The following CCM2L variants were observed in gnomAD, a reference collection of about 807,000 sequenced individuals.
CCM2L encodes cerebral cavernous malformations 2 protein-like.
CCM2L carries 36 observed loss-of-function variants against 54.1 expected under a neutral mutation model. The observed-to-expected ratio is 0.67, with a 90% confidence interval of 0.51 to 0.88. The LOEUF (loss-of-function observed/expected upper bound fraction) is 0.88. CCM2L is among the 40% of genes least tolerant of loss of function. The pLI, the probability that CCM2L is intolerant of heterozygous loss-of-function variation, is 0.00. For synonymous variants in CCM2L, 351 were observed against 359.3 expected (o/e 0.98, Z 0.26); for missense variants, 700 against 812.1 (o/e 0.86, Z 1.68).
intron 7 of CCM2L, 50 bp downstream of exon 7, chr20:32,025,969 C>G: frequency 8.0e-7 from 1 of 1,253,914 alleles, no homozygotes; most frequent in Non-Finnish European, 1.1e-6. Flanking sequence ...TACCCCTGCA[C>G]AAACAGGGTG....
At chr20:32,019,843 C>T (rs2064786606) in intron 5 of CCM2L, among the ~76,000 whole-genome samples, 1 of 152,152 alleles carries the variant, frequency 6.6e-6, no homozygotes, top group Admixed American at 6.5e-5. Flanking sequence ...AAACCGAGAT[C>T]CATAGGTGAA....
chr20:32,013,084 A>G (rs2064707501), intron 1 of CCM2L, among the ~76,000 whole-genome samples: 1 of 152,294 alleles, frequency 6.6e-6, no homozygotes, highest in Non-Finnish European at 1.5e-5. Flanking sequence ...GAATCATTTG[A>G]GCTCAGGAGT....
intron 1 of CCM2L, among the ~76,000 whole-genome samples, chr20:32,013,796 C>G (rs2064714594): frequency 6.6e-6 from 1 of 152,146 alleles, no homozygotes; most frequent in Non-Finnish European, 1.5e-5. Context: ...AGCGACTGCT[C>G]TAAATGCAGT....
chr20:32,016,691 A>C (rs1337238443), intron 2 of CCM2L, among the ~76,000 whole-genome samples: 1 of 152,188 alleles, frequency 6.6e-6, no homozygotes, highest in Non-Finnish European at 1.5e-5. Flanking sequence ...TTTCAAGTTC[A>C]AATTTAACTG....
At chr20:32,013,781 C>T (rs1351430328) in intron 1 of CCM2L, among the ~76,000 whole-genome samples, 1 of 152,126 alleles carries the variant, frequency 6.6e-6, no homozygotes, top group African/African-American at 2.4e-5. Flanking sequence ...ATAGCCAGGG[C>T]TGGGAGCGAC....
In CCM2L at chr20:32,018,979, C is replaced by G; in HGVS notation, c.503C>G (p.Ala168Gly). The G allele has an allele frequency of 7.1e-7, 1 of 1,402,030 alleles. No homozygotes were observed. Among genetic ancestry groups the G allele is most frequent in the Non-Finnish European group, 9.2e-7 (1 of 1,082,510 alleles). 86.8% of individuals were successfully genotyped at this position (1,402,030 alleles called of 1,614,324 possible). A position where few individuals can be genotyped will look rare whatever the true frequency, so the allele number is the denominator to read the frequency against. ...GVDPVPAGVD[A>G]SPGGAGRDPG... is the part of the protein sequence containing the mutation. ...GACCCGGTGCCGGCCGGCGTGGATGCCAGCCCAGGCGGCGCAGGACGCGAC... is the reference window on the plus strand; with the variant it reads ...GACCCGGTGCCGGCCGGCGTGGATGGCAGCCCAGGCGGCGCAGGACGCGAC... Residue 168 changes from alanine (A) to glycine (G), a missense_variant, in exon 5 of 10, where the codon GCC becomes GGC. Coordinates refer to ENST00000452892, the MANE Select transcript of CCM2L (RefSeq NM_001365692.1).
intron 5 of CCM2L, among the ~76,000 whole-genome samples, chr20:32,021,803 C>A (rs2064809290): frequency 6.6e-6 from 1 of 152,168 alleles, no homozygotes; most frequent in South Asian, 2.1e-4. Flanking sequence ...GGCACTTAAC[C>A]ACTCTAAGTC....
intron 8 of CCM2L, 40 bp from the exon 9 acceptor site, chr20:32,029,660 T>C: frequency 6.4e-7 from 1 of 1,566,776 alleles, no homozygotes; most frequent in African/African-American, 1.4e-5. Context: ...TGGGTGGCGC[T>C]GCTTCCTGGG....
chr20:32,024,793 C>A (rs768909189), intron 6 of CCM2L, among the ~76,000 whole-genome samples: 12 of 152,238 alleles, frequency 7.9e-5, no homozygotes, highest in Admixed American at 4.6e-4. Flanking sequence ...CACCACTGCA[C>A]TCCAGCCTGG....
rs769331925 is a variant in CCM2L at position 32,022,804 on chromosome 20, C to A, written c.1069+9C>A. 5.6e-6 allele frequency: 9 copies of A among 1,612,272 alleles called. No individual in the cohort carries two copies. Among genetic ancestry groups the A allele is most frequent in the Non-Finnish European group, 5.9e-6 (7 of 1,179,906 alleles). On this transcript the variant is annotated intron_variant, in intron 6 of 9. Transcript: ENST00000452892. ...ATGGCTCTGCAGCCGCAGTGAGTAC[C>A]AGAACTCCTGGCCTCCCCTCCTGTG...
chr20:32,011,132 C>A (rs1756735463), intron 1 of CCM2L, among the ~76,000 whole-genome samples: 1 of 151,662 alleles, frequency 6.6e-6, no homozygotes, highest in Non-Finnish European at 1.5e-5. Context: ...CCCACCCCCA[C>A]CAGAAACATA....
At chr20:32,021,758 C>G (rs2064808976) in intron 5 of CCM2L, among the ~76,000 whole-genome samples, 1 of 152,150 alleles carries the variant, frequency 6.6e-6, no homozygotes, top group Admixed American at 6.5e-5. Context: ...GGTGCTGGTA[C>G]TAATGCCATG....
At chr20:32,012,319 A>C (rs1388209322) in intron 1 of CCM2L, among the ~76,000 whole-genome samples, 1 of 152,032 alleles carries the variant, frequency 6.6e-6, no homozygotes, top group Non-Finnish European at 1.5e-5. Flanking sequence ...ACACTTTGGG[A>C]GGCTGAGGCA....
chr20:32,014,975 G>A lies in CCM2L; in HGVS notation c.102G>A (p.Val34=), dbSNP rs1398265123. 3 of 1,595,718 alleles carry A rather than the reference G, an allele frequency of 1.9e-6. No individual in the cohort carries two copies. The highest frequency in any genetic ancestry group is 2.2e-5 in the South Asian group (2 of 89,690). Reference sequence around the variant, plus strand: ...GCCGGGCAGCCTGTAGGAGCAGCGTGAGCCGCCGGCCCCTGCACTCGATGC... The same window carrying A: ...GCCGGGCAGCCTGTAGGAGCAGCGTAAGCCGCCGGCCCCTGCACTCGATGC... ...AGRRAACRSS[V]SRRPLHSMPL... The change falls in exon 2 of 10, where the codon GTG becomes GTA. Residue 34 remains valine (V), a synonymous_variant. Coordinates refer to ENST00000452892, the MANE Select transcript of CCM2L (RefSeq NM_001365692.1).
chr20:32,026,037 T>A, intron 7 of CCM2L, 118 bp downstream of exon 7: 2 of 696,722 alleles, frequency 2.9e-6, no homozygotes, highest in Non-Finnish European at 4.4e-6. Flanking sequence ...CACTGGGCAC[T>A]AAGAGGGGGA....
At chr20:32,029,157 G>A in intron 8 of CCM2L, 33 bp downstream of exon 8, 1 of 1,613,974 alleles carries the variant, frequency 6.2e-7, no homozygotes, top group Non-Finnish European at 8.5e-7. Flanking sequence ...AATGGCACAA[G>A]CAAAAGCCTG....
chr20:32,014,776 T>C, intron 1 of CCM2L, 128 bp from the exon 2 acceptor site: 1 of 890,426 alleles, frequency 1.1e-6, no homozygotes, highest in Non-Finnish European at 1.7e-6. Flanking sequence ...AAAATGGGAC[T>C]TACAGAGGTA....
intron 1 of CCM2L, among the ~76,000 whole-genome samples, chr20:32,011,426 G>A (rs531398670): frequency 1.3e-5 from 2 of 152,166 alleles, no homozygotes; most frequent in South Asian, 2.1e-4. Context: ...CCAACATGGC[G>A]AAACCCTGTC....
In CCM2L at chr20:32,015,022, T is replaced by A; in HGVS notation, c.149T>A (p.Leu50His). The A allele has an allele frequency of 3.8e-6, 6 of 1,558,448 alleles. No individual in the cohort carries two copies. Among genetic ancestry groups the A allele is most frequent in the African/African-American group, 1.4e-5 (1 of 71,292 alleles). ...HSMPLYPPDY[L>H]IDPQILLCDY... ...ATGCCCCTTTATCCCCCCGACTACC[T>A]CATCGACCCCCAGATTCTGCTGTGT... is the stretch of plus-strand genomic sequence containing the variant. The change falls in exon 2 of 10, where the codon CTC becomes CAC. Residue 50 changes from leucine (L) to histidine (H), a missense_variant. Coordinates refer to ENST00000452892, the MANE Select transcript of CCM2L (RefSeq NM_001365692.1).
Sources: gnomAD v4.1 joint callset for allele counts (sites outside exome capture counted in the v4.1 genomes callset) on GRCh38, gnomAD v4.1.1 for gene constraint, MANE v1.5 for transcripts, NCBI Gene and HGNC (gene_info 2026-07-23, HGNC 2026-07-21) for gene names.